FRMPD4: variants seen among roughly 807,000 people sequenced by gnomAD.
The protein encoded by FRMPD4 is FERM and PDZ domain-containing protein 4.
FRMPD4 carries 22 observed loss-of-function variants against 94.1 expected under a neutral mutation model. The observed-to-expected ratio is 0.23, with a 90% CI of 0.17 to 0.33. The LOEUF is 0.33. Among genes scored for constraint, FRMPD4 ranks in the 10% least tolerant of loss-of-function variants. FRMPD4 has a pLI of 1.00. For missense variants in FRMPD4, 1,111 were observed against 1,339.9 expected (o/e 0.83, Z 2.67); for synonymous variants, 631 against 548.6 (o/e 1.15, Z -2.10).
At chrX:12,109,671 C>T (rs1453003764) in intron 3 of FRMPD4, among the ~76,000 whole-genome samples, 10 of 111,018 alleles carry the variant, frequency 9.0e-5, no homozygotes, top group Non-Finnish European at 1.3e-4. Flanking sequence ...ATTGATAGAC[C>T]GCTAGCAAGA....
chrX:12,060,446 G>T (rs532764682), intron 3 of FRMPD4, among the ~76,000 whole-genome samples: 2 of 106,774 alleles, frequency 1.9e-5, no homozygotes, highest in African/African-American at 6.8e-5. Flanking sequence ...TCTTTTGCCC[G>T]TTTTTTAATG....
At chrX:12,008,298 T>C (rs746416111) in intron 3 of FRMPD4, among the ~76,000 whole-genome samples, 39 of 111,655 alleles carry the variant, frequency 3.5e-4, no homozygotes, top group Non-Finnish European at 6.6e-4. Flanking sequence ...ATTATCAGAA[T>C]TCAGAACCAG....
At chrX:11,977,994 C>T (rs971673610) in intron 3 of FRMPD4, among the ~76,000 whole-genome samples, 2 of 109,788 alleles carry the variant, frequency 1.8e-5, no homozygotes, top group Non-Finnish European at 3.8e-5. Context: ...ACCCCCACTT[C>T]CCATCATGGC....
At chrX:12,541,966 A>G (rs1223841253) in intron 2 of FRMPD4, among the ~76,000 whole-genome samples, 2 of 112,479 alleles carry the variant, frequency 1.8e-5, no homozygotes, top group Non-Finnish European at 3.8e-5. Flanking sequence ...AATCCATCAC[A>G]TAAACAGAAC....
At position 12,718,204 on chromosome X, in the gene FRMPD4, C is replaced by A; in HGVS notation, c.3378C>A (p.Ala1126=). The change falls in exon 16 of 17, where the codon GCC becomes GCA. Residue 1126 remains alanine, a synonymous_variant. Transcript: ENST00000675598. ...CTTCTGGTCTTGGGGCAAGGGAGGC[C>A]GAAGGGAAGGAAGAAGGAGCTCCTG... ...PRASGLGARE[A]EGKEEGAPDG... 1 of 1,210,665 alleles carries A rather than the reference C, an allele frequency of 8.3e-7. No homozygotes were observed. Among genetic ancestry groups the A allele is most frequent in the East Asian group, 3.0e-5 (1 of 33,818 alleles).
chrX:12,329,555 T>A (rs947528099), intron 1 of FRMPD4, among the ~76,000 whole-genome samples: 1 of 110,724 alleles, frequency 9.0e-6, no homozygotes, highest in Non-Finnish European at 1.9e-5. Context: ...AGCTTTTGTT[T>A]AAGGAGAAAA....
At chrX:12,437,145 T>C (rs1214136753) in intron 1 of FRMPD4, among the ~76,000 whole-genome samples, 2 of 111,568 alleles carry the variant, frequency 1.8e-5, no homozygotes, top group Non-Finnish European at 3.8e-5. Context: ...TTTGTATTAT[T>C]TTTGCTTCCC....
chrX:12,378,438 G>A (rs1457086570), intron 1 of FRMPD4, among the ~76,000 whole-genome samples: 1 of 112,573 alleles, frequency 8.9e-6, no homozygotes, highest in Admixed American at 9.4e-5. Flanking sequence ...ACTCTGTAGG[G>A]CAGTGAACCT....
chrX:12,388,990 G>A (rs1007871957), intron 1 of FRMPD4, among the ~76,000 whole-genome samples: 1 of 108,121 alleles, frequency 9.2e-6, no homozygotes, highest in Non-Finnish European at 1.9e-5. Flanking sequence ...TGTCACTTAC[G>A]TGTGGAATCT....
chrX:12,398,915 G>C (rs2056576779), intron 1 of FRMPD4, among the ~76,000 whole-genome samples: 1 of 111,451 alleles, frequency 9.0e-6, no homozygotes, highest in Admixed American at 9.5e-5. Context: ...GTGACGGCTA[G>C]TTTAGACATA....
At chrX:12,067,353 C>T (rs1463348670) in intron 3 of FRMPD4, among the ~76,000 whole-genome samples, 1 of 111,465 alleles carries the variant, frequency 9.0e-6, no homozygotes, top group African/African-American at 3.3e-5. Flanking sequence ...AATGCTCACC[C>T]ATCTGTTTTT....
intron 3 of FRMPD4, among the ~76,000 whole-genome samples, chrX:12,096,944 G>A (rs1266714910): frequency 9.0e-6 from 1 of 110,709 alleles, no homozygotes; most frequent in East Asian, 2.8e-4. Flanking sequence ...ATTAGCCAGG[G>A]ACTATTAGAC....
At chrX:11,922,633 G>A (rs1017376837) in intron 3 of FRMPD4, among the ~76,000 whole-genome samples, 2 of 112,131 alleles carry the variant, frequency 1.8e-5, no homozygotes, top group South Asian at 7.4e-4. Flanking sequence ...CTCTCACCAC[G>A]GACCTCTGGA....
intron 2 of FRMPD4, among the ~76,000 whole-genome samples, chrX:12,602,194 A>G (rs1200473670): frequency 8.9e-6 from 1 of 112,140 alleles, no homozygotes; most frequent in Non-Finnish European, 1.9e-5. Context: ...GTAACCTATC[A>G]ACTTTAACAA....
chrX:12,639,277 G>A (rs113230518), intron 4 of FRMPD4, among the ~76,000 whole-genome samples: 1,452 of 112,035 alleles, frequency 0.013, 28 homozygotes, highest in African/African-American at 0.044. Context: ...AGTTTTGACT[G>A]AAGAATTATT....
intron 1 of FRMPD4, among the ~76,000 whole-genome samples, chrX:12,200,508 T>C (rs746961370): frequency 9.0e-6 from 1 of 111,332 alleles, no homozygotes; most frequent in Non-Finnish European, 1.9e-5. Context: ...AAATTTTTAT[T>C]ATTTTTGCAG....
chrX:12,232,793 G>A (rs1230173570), intron 1 of FRMPD4, among the ~76,000 whole-genome samples: 1 of 111,893 alleles, frequency 8.9e-6, no homozygotes, highest in African/African-American at 3.2e-5. Flanking sequence ...AATCAGCGAT[G>A]AGCTGGGCTC....
intron 1 of FRMPD4, among the ~76,000 whole-genome samples, chrX:12,464,842 A>G (rs938647158): frequency 1.1e-4 from 12 of 112,095 alleles, no homozygotes; most frequent in East Asian, 2.8e-4. Flanking sequence ...AGGTGCTACA[A>G]TGCTGTACTG....
intron 1 of FRMPD4, among the ~76,000 whole-genome samples, chrX:12,362,640 A>C (rs1331386271): frequency 1.8e-5 from 2 of 111,324 alleles, no homozygotes; most frequent in Non-Finnish European, 3.8e-5. Context: ...AGTCTTTGCT[A>C]TTGTGAATAG....
Sources: allele counts gnomAD v4.1 joint callset (sites outside exome capture counted in the v4.1 genomes callset), GRCh38; gene constraint gnomAD v4.1.1; transcripts MANE v1.5; gene names NCBI Gene and HGNC (gene_info 2026-07-23, HGNC 2026-07-21).